BCL11B: variants seen among roughly 807,000 people sequenced by gnomAD.
BCL11B encodes the protein BCL11 transcription factor B.
A neutral mutation model predicts 49.9 loss-of-function variants in BCL11B; 8 were observed. That is an observed-to-expected ratio of 0.16 (90% CI 0.09 to 0.29). BCL11B has a LOEUF of 0.29. Ranked by LOEUF, BCL11B falls within the 10% of genes least tolerant of loss-of-function variation. The probability of loss-of-function intolerance (pLI) is 1.00; values close to 1 mark genes in which losing one functional copy is unlikely to be tolerated. For missense variants in BCL11B, 1,006 were observed against 1,351.0 expected (o/e 0.74, Z 4.00); for synonymous variants, 739 against 637.4 (o/e 1.16, Z -2.40).
rs566661429 is a variant in BCL11B at position 99,213,748 on chromosome 14, A to T, written c.640+17597T>A. On this transcript the variant is annotated intron_variant, in intron 3 of 3. Transcript: ENST00000357195. This position sits in a 1 kb window ranked among gnomAD's most constrained non-coding sequence, Gnocchi z 5.1. ...AGCTCAGCGCAGGGACTTGGGGCACATCCTGTCCCCTCTCTGGGGCACTGC... is the reference window on the plus strand; with the variant it reads ...AGCTCAGCGCAGGGACTTGGGGCACTTCCTGTCCCCTCTCTGGGGCACTGC... Among the ~76,000 whole-genome samples the T allele has an allele frequency of 6.6e-6, 1 of 152,154 alleles. No individual in the cohort carries two copies. Among genetic ancestry groups the T allele is most frequent in the Non-Finnish European group, 1.5e-5 (1 of 68,030 alleles).
At chr14:99,200,598 G>A (rs568194919) in intron 3 of BCL11B, among the ~76,000 whole-genome samples, 22 of 152,352 alleles carry the variant, frequency 1.4e-4, no homozygotes, top group Admixed American at 7.8e-4. Flanking sequence ...ATGAGGCAGC[G>A]AGGCGGGGCA....
chr14:99,233,492 C>G (rs1328369872), intron 2 of BCL11B, among the ~76,000 whole-genome samples: 1 of 152,218 alleles, frequency 6.6e-6, no homozygotes, highest in Non-Finnish European at 1.5e-5. Flanking sequence ...CCATTGGAAG[C>G]TGCAAAGGCC....
chr14:99,196,766 G>A (rs907731926), intron 3 of BCL11B, among the ~76,000 whole-genome samples: 1 of 152,190 alleles, frequency 6.6e-6, no homozygotes, highest in Non-Finnish European at 1.5e-5. Context: ...TGTGTGCAGG[G>A]AGTGTGCAAA....
chr14:99,254,786 G>T (rs897913799), intron 2 of BCL11B, among the ~76,000 whole-genome samples: 1 of 152,230 alleles, frequency 6.6e-6, no homozygotes, highest in Non-Finnish European at 1.5e-5. Flanking sequence ...AAGCCTGGGC[G>T]GAGAAGTGCC....
chr14:99,201,620 G>A (rs1033376009), intron 3 of BCL11B, among the ~76,000 whole-genome samples: 2 of 152,138 alleles, frequency 1.3e-5, no homozygotes, highest in Non-Finnish European at 2.9e-5. Flanking sequence ...CACCCAGGCC[G>A]TCTCTCTGCA....
chr14:99,253,555 C>T (rs1003296944), intron 2 of BCL11B, among the ~76,000 whole-genome samples: 4 of 152,276 alleles, frequency 2.6e-5, no homozygotes, highest in African/African-American at 7.2e-5. Context: ...GAGGAAACCG[C>T]GGCTCAGAAG....
rs201270106 is a variant in BCL11B at position 99,257,553 on chromosome 14, G to A, written c.345C>T (p.Ile115=). Reference sequence around the variant, plus strand: ...CTTCGTCGGGGGTGACTTGGATCCCGATCTCCACCGGCTCGGACACTTTCC... The same window carrying A: ...CTTCGTCGGGGGTGACTTGGATCCCAATCTCCACCGGCTCGGACACTTTCC... ...ELRKVSEPVE[I]GIQVTPDEDD... Residue 115 remains isoleucine, a synonymous_variant, in exon 2 of 4, where the codon ATC becomes ATT. Transcript: ENST00000357195. This position sits in a 1 kb window ranked among gnomAD's most constrained non-coding sequence, Gnocchi z 6.2. The A allele has an allele frequency of 8.1e-5, 131 of 1,614,028 alleles. 1 individual carries two copies. In the Middle Eastern group the frequency reaches 9.9e-4, roughly 12 times the overall value.
Position 99,248,929 on chromosome 14 carries a change from C to T in BCL11B, c.427+8542G>A, listed in dbSNP as rs968932248. On this transcript the variant is annotated intron_variant, in intron 2 of 3. Coordinates refer to ENST00000357195, the MANE Select transcript of BCL11B (RefSeq NM_138576.4). This position sits in a 1 kb window ranked among gnomAD's most constrained non-coding sequence, Gnocchi z 4.7. ...CACAGTAGGATGCCATCCTAGGTCT[C>T]GAGCCAGAGTCCACTGTGCCTGCCT... Among the ~76,000 whole-genome samples the T allele has an allele frequency of 1.3e-5, 2 of 152,300 alleles. No homozygotes were observed. The highest frequency in any genetic ancestry group is 1.9e-4 in the East Asian group (1 of 5,178).
At chr14:99,245,908 G>A (rs1387117579) in intron 2 of BCL11B, among the ~76,000 whole-genome samples, 3 of 152,104 alleles carry the variant, frequency 2.0e-5, no homozygotes, top group Non-Finnish European at 2.9e-5. Context: ...GGGGCCAGAG[G>A]CGTGCTCGCT....
At position 99,213,237 on chromosome 14, in the gene BCL11B, G is replaced by T. The variant is rs1348598267; in HGVS notation, c.640+18108C>A. 6.6e-6 allele frequency among the ~76,000 whole-genome samples: 1 copy of T among 152,210 alleles called. No homozygotes were observed. Among genetic ancestry groups the T allele is most frequent in the African/African-American group, 2.4e-5 (1 of 41,462 alleles). ...CCCTGGAATGAAGAAGGGAGCCCCG[G>T]AGGCTCGGCCGACCTGGGTGTGCCA... On this transcript the variant is annotated intron_variant, in intron 3 of 3. Coordinates refer to ENST00000357195, the MANE Select transcript of BCL11B (RefSeq NM_138576.4). The surrounding 1 kb of genome is among the most constrained non-coding windows in gnomAD (Gnocchi z 5.1).
Position 99,257,379 on chromosome 14 carries a change from T to C in BCL11B, c.427+92A>G, listed in dbSNP as rs1889196255. ...GCCCAGAGGCCATCCTGGAAGCCCC[T>C]GGGCCTTCCCCTGCACCAGCACACT... On this transcript the variant is annotated intron_variant, in intron 2 of 3. Transcript: ENST00000357195. The surrounding 1 kb of genome is among the most constrained non-coding windows in gnomAD (Gnocchi z 6.2). 4.8e-6 allele frequency: 7 copies of C among 1,472,596 alleles called. No individual in the cohort carries two copies. The highest frequency in any genetic ancestry group is 4.5e-6 in the Non-Finnish European group (5 of 1,104,854). The allele number at this position is 1,472,596 out of a possible 1,614,324, so 91.2% of individuals were successfully genotyped here. A position where few individuals can be genotyped will look rare whatever the true frequency, so the allele number is the denominator to read the frequency against.
chr14:99,186,790 T>G (rs1941525845), intron 3 of BCL11B, among the ~76,000 whole-genome samples: 1 of 152,208 alleles, frequency 6.6e-6, no homozygotes, highest in Admixed American at 6.5e-5. Flanking sequence ...CAAGAACTGT[T>G]CAGTATTAAG....
At chr14:99,233,944 C>A (rs562275927) in intron 2 of BCL11B, among the ~76,000 whole-genome samples, 8 of 152,190 alleles carry the variant, frequency 5.3e-5, no homozygotes, top group African/African-American at 1.7e-4. Flanking sequence ...TCTGGGGCTC[C>A]CAGAGCACCT....
intron 3 of BCL11B, among the ~76,000 whole-genome samples, chr14:99,227,055 C>T (rs1238445929): frequency 6.6e-6 from 1 of 152,302 alleles, no homozygotes; most frequent in African/African-American, 2.4e-5. Flanking sequence ...TCACCAAGTA[C>T]ACATATTAAT....
intron 1 of BCL11B, among the ~76,000 whole-genome samples, chr14:99,259,881 C>G (rs138062379): frequency 6.6e-6 from 1 of 152,174 alleles, no homozygotes; most frequent in Admixed American, 6.5e-5. Context: ...AGACTGGATT[C>G]CTGTGAACGG....
chr14:99,220,920 G>A (rs1352571699), intron 3 of BCL11B, among the ~76,000 whole-genome samples: 2 of 151,888 alleles, frequency 1.3e-5, no homozygotes, highest in Non-Finnish European at 1.5e-5. Flanking sequence ...CTGTGATCTC[G>A]GCTCACTGCA....
chr14:99,202,792 T>C (rs1209216837), intron 3 of BCL11B, among the ~76,000 whole-genome samples: 1 of 152,168 alleles, frequency 6.6e-6, no homozygotes, highest in East Asian at 1.9e-4. Flanking sequence ...CTGGAGCCGG[T>C]AGAACAAGCC....
Position 99,205,168 on chromosome 14 carries a change from A to AG in BCL11B, c.640+26176_640+26177insC, listed in dbSNP as rs2139829201. Among the ~76,000 whole-genome samples, 1 of 152,198 alleles carries AG rather than the reference A, an allele frequency of 6.6e-6. No homozygotes were observed. The highest frequency in any genetic ancestry group is 2.1e-4 in the South Asian group (1 of 4,802). The stretch of plus-strand genomic sequence containing the variant: ...GTAGGAAGAGGGAATTAAAAAAAAA[A>AG]CAGGCCCTTGAACGAACCGAGGGCC... On this transcript the variant is annotated intron_variant, in intron 3 of 3. Transcript: ENST00000357195. This position sits in a 1 kb window ranked among gnomAD's most constrained non-coding sequence, Gnocchi z 5.0.
rs563872669 is a variant in BCL11B, at chr14:99,215,348, C to T, written c.640+15997G>A. Among the ~76,000 whole-genome samples, 16 of 152,332 alleles carry T rather than the reference C, an allele frequency of 1.1e-4. No homozygotes were observed. In the East Asian group the frequency reaches 2.3e-3, roughly 22 times the overall value. On this transcript the variant is annotated intron_variant, in intron 3 of 3. Transcript: ENST00000357195. ...TTAAAATAGCTTTTAAAAAATGTTT[C>T]GGAGACCGCAGTCTATTGTGGCCGC...
Sources: allele counts gnomAD v4.1 joint callset (sites outside exome capture counted in the v4.1 genomes callset), GRCh38; gene constraint gnomAD v4.1.1; non-coding constraint Gnocchi (gnomAD v3.1); transcripts MANE v1.5; gene names NCBI Gene and HGNC (gene_info 2026-07-23, HGNC 2026-07-21).